The following ASTN2 variants were observed in gnomAD, a reference collection of about 807,000 sequenced individuals.
The protein encoded by ASTN2 is astrotactin-2.
ASTN2 carries 54 observed loss-of-function variants against 139.8 expected under a neutral mutation model. The observed-to-expected ratio is 0.39, with a 90% CI of 0.31 to 0.48. The LOEUF is 0.48. Ranked by LOEUF, ASTN2 falls within the 20% of genes least tolerant of loss-of-function variation. The pLI, the probability that ASTN2 is intolerant of heterozygous loss-of-function variation, is 0.95. For synonymous variants in ASTN2, 756 were observed against 719.5 expected (o/e 1.05, Z -0.81); for missense variants, 1,565 against 1,725.1 (o/e 0.91, Z 1.64).
chr9:116,523,579 G>A (rs1484624243), intron 19 of ASTN2, among the ~76,000 whole-genome samples: 3 of 152,164 alleles, frequency 2.0e-5, no homozygotes, highest in Non-Finnish European at 1.5e-5. Context: ...CTGGCGATAT[G>A]ATATAGAAAG....
chr9:116,487,671 CTT>C (rs1279545716), intron 19 of ASTN2, among the ~76,000 whole-genome samples, 171 bp from the exon 20 acceptor site: 1 of 152,112 alleles, frequency 6.6e-6, no homozygotes, highest in African/African-American at 2.4e-5. Context: ...CTTGATGACT[CTT>C]TGTTCATATT....
rs55810854 is a variant in ASTN2 at position 116,776,830 on chromosome 9, C to T, written c.2396+28802G>A. Among the ~76,000 whole-genome samples, 374 of 152,052 alleles carry T rather than the reference C, an allele frequency of 2.5e-3. 3 individuals are homozygous for T. Among genetic ancestry groups the T allele is most frequent in the African/African-American group, 8.3e-3 (346 of 41,466 alleles). ...GTCAATATTGAGTAAAATAATTGGA[C>T]GAATGTGCCCAGAGATAATCTGTAA... On this transcript the variant is annotated intron_variant, in intron 13 of 22. Coordinates refer to ENST00000313400, the MANE Select transcript of ASTN2 (RefSeq NM_001365068.1).
intron 16 of ASTN2, among the ~76,000 whole-genome samples, chr9:116,714,886 C>G (rs1179980257): frequency 1.9e-4 from 1 of 5,382 alleles, no homozygotes; most frequent in Non-Finnish European, 3.2e-4. Context: ...GAGACCATCC[C>G]GGCTAAAACG....
rs1047602438 is a variant in ASTN2, at chr9:117,235,293, G to T, written c.631-20551C>A. The stretch of plus-strand genomic sequence containing the variant: ...AAATTTTATTTTCCAAGCCCCTATT[G>T]CATGTCATTTATTGGTATTGACAAA... On this transcript the variant is annotated intron_variant, in intron 2 of 22. Coordinates refer to ENST00000313400, the MANE Select transcript of ASTN2 (RefSeq NM_001365068.1). 2.0e-5 allele frequency among the ~76,000 whole-genome samples: 3 copies of T among 151,016 alleles called. 1 individual carries two copies. In the South Asian group the frequency reaches 6.3e-4, roughly 32 times the overall value.
intron 15 of ASTN2, 51 bp downstream of exon 15, chr9:116,728,941 C>T (rs1828704411): frequency 6.8e-7 from 1 of 1,480,382 alleles, no homozygotes; most frequent in African/African-American, 1.4e-5. Flanking sequence ...TCCTTGGCAA[C>T]AAGTGCTAAA....
intron 20 of ASTN2, among the ~76,000 whole-genome samples, chr9:116,469,505 G>A (rs528601996): frequency 1.3e-5 from 2 of 152,284 alleles, no homozygotes; most frequent in Admixed American, 6.5e-5. Flanking sequence ...GCGGGTCAGA[G>A]CCTGAGCTCT....
chr9:117,173,751 TAAAA>T, intron 3 of ASTN2, among the ~76,000 whole-genome samples: 1 of 151,846 alleles, frequency 6.6e-6, no homozygotes, highest in East Asian at 1.9e-4. Context: ...CAAATATTGT[TAAAA>T]AGAAAGATTG....
intron 5 of ASTN2, among the ~76,000 whole-genome samples, chr9:117,057,668 A>G (rs1839101806): frequency 6.6e-6 from 1 of 152,214 alleles, no homozygotes. Flanking sequence ...CCTGGGAATC[A>G]TAACTATGAT....
chr9:116,768,669 G>A (rs1219209933), intron 13 of ASTN2, among the ~76,000 whole-genome samples: 1 of 152,164 alleles, frequency 6.6e-6, no homozygotes, highest in Non-Finnish European at 1.5e-5. Flanking sequence ...TCCTAAATGG[G>A]TTTAGTGCCC....
At chr9:116,751,061 T>C (rs986216798) in intron 13 of ASTN2, among the ~76,000 whole-genome samples, 2 of 152,204 alleles carry the variant, frequency 1.3e-5, no homozygotes, top group Non-Finnish European at 2.9e-5. Context: ...TATAATACCC[T>C]ACTCCACTCA....
intron 19 of ASTN2, among the ~76,000 whole-genome samples, chr9:116,510,003 T>C (rs1446955587): frequency 1.3e-5 from 2 of 152,208 alleles, no homozygotes; most frequent in Non-Finnish European, 2.9e-5. Flanking sequence ...AGAAGCTCTT[T>C]AATTTAATTA....
At position 117,414,626 on chromosome 9, in the gene ASTN2, G is replaced by C; in HGVS notation, c.313C>G (p.Pro105Ala). The C allele has an allele frequency of 6.9e-7, 1 of 1,458,444 alleles. No individual in the cohort carries two copies. Among genetic ancestry groups the C allele is most frequent in the South Asian group, 1.4e-5 (1 of 71,166 alleles). The allele number at this position is 1,458,444 out of a possible 1,614,324, so 90.3% of individuals were successfully genotyped here. The change falls in exon 1 of 23, where the codon CCG (proline) becomes GCG (alanine). Residue 105 changes from proline to alanine, a missense_variant. Pro to Ala is a conservative substitution (Grantham distance 27). Transcript: ENST00000313400. This position sits in a 1 kb window ranked among gnomAD's most constrained non-coding sequence, Gnocchi z 4.2. ...GAGAAAAAASPGSPGSAGTAA... is the reference protein window; with the variant it reads ...GAGAAAAAASAGSPGSAGTAA... Reference sequence around the variant, plus strand: ...GTGCCGGCAGAGCCAGGAGAGCCCGGGGACGCGGCGGCGGCGGCGGCTCCG... The same window carrying C: ...GTGCCGGCAGAGCCAGGAGAGCCCGCGGACGCGGCGGCGGCGGCGGCTCCG...
At chr9:116,478,947 G>A (rs867220832) in intron 20 of ASTN2, among the ~76,000 whole-genome samples, 1 of 123,730 alleles carries the variant, frequency 8.1e-6, no homozygotes, top group Non-Finnish European at 1.6e-5. Context: ...AGCTGAGATT[G>A]CACTACTGCA....
intron 13 of ASTN2, among the ~76,000 whole-genome samples, chr9:116,735,321 G>C (rs1828898486): frequency 6.6e-6 from 1 of 152,172 alleles, no homozygotes; most frequent in Non-Finnish European, 1.5e-5. Context: ...TGGGAGTGTG[G>C]AACAGCAATA....
intron 4 of ASTN2, among the ~76,000 whole-genome samples, chr9:117,102,229 T>C (rs1828995918): frequency 6.6e-6 from 1 of 152,146 alleles, no homozygotes; most frequent in Non-Finnish European, 1.5e-5. Context: ...CATGCTACAA[T>C]GTGGATGAAT....
chr9:116,846,541 C>T (rs549642450), intron 11 of ASTN2, among the ~76,000 whole-genome samples: 2 of 152,264 alleles, frequency 1.3e-5, no homozygotes, highest in South Asian at 4.1e-4. Flanking sequence ...TGACAGCATG[C>T]TACTGCGTGG....
chr9:116,822,312 G>T (rs1164807130), intron 11 of ASTN2, among the ~76,000 whole-genome samples: 1 of 152,184 alleles, frequency 6.6e-6, no homozygotes, highest in African/African-American at 2.4e-5. Flanking sequence ...GAGTGACGGA[G>T]AAAGTAGGTT....
At chr9:117,250,708 T>C (rs2133090269) in intron 2 of ASTN2, among the ~76,000 whole-genome samples, 1 of 152,300 alleles carries the variant, frequency 6.6e-6, no homozygotes, top group South Asian at 2.1e-4. Flanking sequence ...CTGGCTCCAT[T>C]GGTCTCATAA....
chr9:117,175,730 A>G (rs1415424159), intron 3 of ASTN2, among the ~76,000 whole-genome samples: 1 of 152,194 alleles, frequency 6.6e-6, no homozygotes, highest in Non-Finnish European at 1.5e-5. Flanking sequence ...TCCATGGTTA[A>G]AGACTGAAAT....
Sources: gnomAD v4.1 joint callset for allele counts (sites outside exome capture counted in the v4.1 genomes callset) on GRCh38, gnomAD v4.1.1 for gene constraint, Gnocchi (gnomAD v3.1) non-coding constraint, MANE v1.5 for transcripts, NCBI Gene and HGNC (gene_info 2026-07-23, HGNC 2026-07-21) for gene names.